Variants in TRPM6 observed in about 807,000 individuals in gnomAD.
The protein encoded by TRPM6 is channel kinase 2.
A neutral mutation model predicts 247.6 loss-of-function variants in TRPM6; 111 were observed. That is an observed-to-expected ratio of 0.45 (90% CI 0.38 to 0.52). The LOEUF is 0.52. Among genes scored for constraint, TRPM6 ranks in the 20% least tolerant of loss-of-function variants. The pLI is 0.00. For missense variants in TRPM6, 2,126 were observed against 2,421.5 expected (o/e 0.88, Z 2.56); for synonymous variants, 892 against 853.8 (o/e 1.04, Z -0.78).
At chr9:74,799,736 C>G (rs1016594001) in intron 17 of TRPM6, among the ~76,000 whole-genome samples, 21 of 152,124 alleles carry the variant, frequency 1.4e-4, no homozygotes, top group Non-Finnish European at 2.8e-4. Context: ...TTTGTCTATG[C>G]TTTTAATGTG....
At chr9:74,813,219 G>A (rs1828797797) in intron 11 of TRPM6, among the ~76,000 whole-genome samples, 1 of 152,130 alleles carries the variant, frequency 6.6e-6, no homozygotes, top group Non-Finnish European at 1.5e-5. Flanking sequence ...AGGGATTTTT[G>A]TTACAAAATA....
chr9:74,877,094 C>T (rs2118500094), intron 1 of TRPM6, among the ~76,000 whole-genome samples: 1 of 152,238 alleles, frequency 6.6e-6, no homozygotes, highest in Middle Eastern at 3.4e-3. Context: ...TAGGGAGAAA[C>T]TGGAATTATC....
chr9:74,835,546 T>C (rs1263915883), intron 5 of TRPM6, among the ~76,000 whole-genome samples: 2 of 152,144 alleles, frequency 1.3e-5, no homozygotes, highest in African/African-American at 4.8e-5. Context: ...GAATTAATAC[T>C]AGTAATTAGT....
chr9:74,817,051 G>T (rs989263696), intron 9 of TRPM6, 87 bp from the exon 10 acceptor site: 1 of 1,164,296 alleles, frequency 8.6e-7, no homozygotes, highest in Non-Finnish European at 1.3e-6. Flanking sequence ...TCAGACTGGA[G>T]CTAATGAATT....
intron 1 of TRPM6, among the ~76,000 whole-genome samples, chr9:74,864,315 T>C (rs1187287078): frequency 6.6e-6 from 1 of 152,288 alleles, no homozygotes; most frequent in East Asian, 1.9e-4. Context: ...GACATCAGGA[T>C]GTACCATCAA....
At chr9:74,735,423 T>C (rs1215974169) in intron 36 of TRPM6, among the ~76,000 whole-genome samples, 27 of 152,158 alleles carry the variant, frequency 1.8e-4, no homozygotes. Context: ...AGTACATCAA[T>C]GAACTTGTAC....
chr9:74,881,499 G>A (rs1219751122), intron 1 of TRPM6, among the ~76,000 whole-genome samples: 2 of 152,020 alleles, frequency 1.3e-5, no homozygotes, highest in Non-Finnish European at 2.9e-5. Context: ...AACGGTTGGG[G>A]ACTTCAACAC....
rs1826696319 is a variant in TRPM6, at chr9:74,762,797, G to T, written c.3874C>A (p.Pro1292Thr). 1.2e-6 allele frequency: 2 copies of T among 1,614,030 alleles called. No individual in the cohort carries two copies. Among genetic ancestry groups the T allele is most frequent in the Non-Finnish European group, 1.7e-6 (2 of 1,180,038 alleles). The change falls in exon 26 of 39, where the codon CCC (proline) becomes ACC (threonine). Residue 1292 changes from proline to threonine, a missense_variant. This residue lies in a region of TRPM6 where 717 missense variants were observed against 715.9 expected (regional missense o/e 1.00). Coordinates refer to ENST00000360774, the MANE Select transcript of TRPM6 (RefSeq NM_017662.5). ...LLRSLAGGRH[P>T]PRVQRGALLE... ...AGTGCCCCCCTCTGCACTCTTGGGG[G>T]ATGCCGGCCTCCAGCCAGGCTCCTC...
chr9:74,749,161 C>G (rs948733711), intron 30 of TRPM6, among the ~76,000 whole-genome samples: 4 of 152,076 alleles, frequency 2.6e-5, no homozygotes, highest in African/African-American at 9.7e-5. Flanking sequence ...TAAATGCACT[C>G]TACGATATTT....
At chr9:74,829,422 T>A (rs1156989924) in intron 6 of TRPM6, among the ~76,000 whole-genome samples, 1 of 152,254 alleles carries the variant, frequency 6.6e-6, no homozygotes, top group Non-Finnish European at 1.5e-5. Flanking sequence ...TATTTGCTTT[T>A]AGAGGCAAAA....
intron 14 of TRPM6, among the ~76,000 whole-genome samples, chr9:74,806,225 C>G (rs958139871): frequency 3.2e-4 from 48 of 151,826 alleles, no homozygotes; most frequent in South Asian, 2.1e-4. Context: ...TTAAAATTTT[C>G]CATTAAAAAA....
At chr9:74,884,890 G>C (rs989765820) in intron 1 of TRPM6, among the ~76,000 whole-genome samples, 2 of 152,162 alleles carry the variant, frequency 1.3e-5, no homozygotes, top group East Asian at 3.9e-4. Context: ...TAGGAAACAG[G>C]AGCCAGCATA....
rs1826402149 is a variant in TRPM6 at position 74,755,452 on chromosome 9, A to G, written c.4807T>C (p.Ser1603Pro). The G allele has an allele frequency of 6.2e-7, 1 of 1,614,060 alleles. No individual in the cohort carries two copies. The highest frequency in any genetic ancestry group is 1.6e-4 in the Middle Eastern group (1 of 6,082). Reference sequence around the variant, plus strand: ...TCTGGATTCAACTGGTCACTCTGAGAGCAGGCATTGACTGTTATGATCTGG... The same window carrying G: ...TCTGGATTCAACTGGTCACTCTGAGGGCAGGCATTGACTGTTATGATCTGG... The part of the protein sequence containing the change: ...QVPIITVNAC[S>P]QSDQLNPEPG... The change falls in exon 28 of 39, where the codon TCT (serine) becomes CCT (proline). Residue 1603 changes from serine to proline, a missense_variant. Transcript: ENST00000360774.
chr9:74,738,467 C>T lies in TRPM6; in HGVS notation c.5716G>A (p.Ala1906Thr). The T allele has an allele frequency of 1.9e-6, 3 of 1,614,110 alleles. No homozygotes were observed. ...TACTCATAGGTCCAGTGAGAGAAAG[C>T]CAACATCAGCTCCTCCAGGGTGTTG... is the stretch of plus-strand genomic sequence containing the variant. ...PTNTLEELML[A>T]FSHWTYEYTR... Residue 1906 changes from alanine (A) to threonine (T), a missense_variant, in exon 36 of 39, where the codon GCT (alanine) becomes ACT (threonine). Physicochemically the swap from Ala to Thr is moderately conservative, Grantham distance 58. This residue lies in a region of TRPM6 where 327 missense variants were observed against 397.7 expected (regional missense o/e 0.82). Transcript: ENST00000360774.
At chr9:74,834,405 A>G (rs1185516824) in intron 5 of TRPM6, among the ~76,000 whole-genome samples, 1 of 152,096 alleles carries the variant, frequency 6.6e-6, no homozygotes, top group Non-Finnish European at 1.5e-5. Context: ...GCCTAAGCAA[A>G]ATGCTGTGCA....
At chr9:74,805,779 C>G (rs916794786) in intron 14 of TRPM6, among the ~76,000 whole-genome samples, 1 of 151,234 alleles carries the variant, frequency 6.6e-6, no homozygotes, top group African/African-American at 2.4e-5. Context: ...TCTTAAGTAT[C>G]GAAAAGACGA....
chr9:74,822,621 C>A (rs1391477246), intron 7 of TRPM6, among the ~76,000 whole-genome samples: 1 of 152,050 alleles, frequency 6.6e-6, no homozygotes, highest in Non-Finnish European at 1.5e-5. Context: ...AAGACTTTTG[C>A]ATTGCCATTT....
At chr9:74,817,658 T>C (rs539264440) in intron 9 of TRPM6, among the ~76,000 whole-genome samples, 112 of 152,338 alleles carry the variant, frequency 7.4e-4, no homozygotes, top group African/African-American at 2.6e-3. Flanking sequence ...CTATGGGCCC[T>C]TGAGGCACTT....
At chr9:74,756,681 CAAAAAAAAAA>C (rs1217543421) in intron 27 of TRPM6, among the ~76,000 whole-genome samples, 10 of 51,774 alleles carry the variant, frequency 1.9e-4, no homozygotes, top group Middle Eastern at 0.011. Flanking sequence ...CCCGTCTCTA[CAAAAAAAAAA>C]AAAAAAAAAA....
Sources: allele counts gnomAD v4.1 joint callset (sites outside exome capture counted in the v4.1 genomes callset), GRCh38; gene constraint gnomAD v4.1.1; regional missense constraint gnomAD v4.1.1; transcripts MANE v1.5; gene names NCBI Gene and HGNC (gene_info 2026-07-23, HGNC 2026-07-21).